The following ANAPC7 variants were observed in gnomAD, a reference collection of about 807,000 sequenced individuals.
The protein encoded by ANAPC7 is anaphase promoting complex subunit 7, also known as anaphase-promoting complex subunit 7.
ANAPC7 carries 25 observed loss-of-function variants against 63.3 expected under a neutral mutation model. The ratio of observed to expected loss-of-function variants is 0.39; its 90% CI spans 0.29 to 0.55. The LOEUF (loss-of-function observed/expected upper bound fraction) is 0.55. ANAPC7 is among the 20% of genes least tolerant of loss of function. ANAPC7 has a pLI of 0.57. For missense variants in ANAPC7, 516 were observed against 691.7 expected (o/e 0.75, Z 2.85); for synonymous variants, 241 against 251.7 (o/e 0.96, Z 0.40).
intron 1 of ANAPC7, among the ~76,000 whole-genome samples, chr12:110,401,388 T>C (rs28489972): frequency 1.4e-3 from 216 of 152,272 alleles, no homozygotes; most frequent in African/African-American, 5.1e-3. Context: ...TGAGTGCTTA[T>C]TGCGCACAGC....
chr12:110,400,441 T>C (rs1566280592), intron 1 of ANAPC7, among the ~76,000 whole-genome samples: 1 of 152,154 alleles, frequency 6.6e-6, no homozygotes, highest in Non-Finnish European at 1.5e-5. Context: ...TTTTAAAGTA[T>C]AAATCATGAA....
chr12:110,402,308 G>T (rs1321784491), intron 1 of ANAPC7, among the ~76,000 whole-genome samples: 2 of 151,678 alleles, frequency 1.3e-5, no homozygotes, highest in African/African-American at 4.8e-5. Context: ...CCATGGGAAA[G>T]AATTTTCATA....
intron 3 of ANAPC7, among the ~76,000 whole-genome samples, chr12:110,394,850 TATTAA>T (rs1322671048): frequency 9.2e-5 from 14 of 151,818 alleles, no homozygotes; most frequent in South Asian, 4.2e-4. Context: ...TCTCAAAAAA[TATTAA>T]ATTAAGTTAA....
At chr12:110,385,654 T>A (rs957996001) in intron 6 of ANAPC7, among the ~76,000 whole-genome samples, 2 of 152,236 alleles carry the variant, frequency 1.3e-5, no homozygotes, top group African/African-American at 4.8e-5. Context: ...ACGCTTGGGA[T>A]GGCCCCTTCC....
At position 110,374,965 on chromosome 12, in the gene ANAPC7, T is replaced by C. The variant is rs552580994; in HGVS notation, c.1509-632A>G. Reference sequence around the variant, plus strand: ...CCTCTAGAACATTCATTTATTTGCCTCCTAAGCAATCTTTCCTCTTGCCTT... The same window carrying C: ...CCTCTAGAACATTCATTTATTTGCCCCCTAAGCAATCTTTCCTCTTGCCTT... On this transcript the variant is annotated intron_variant, in intron 10 of 10. Transcript: ENST00000455511. Among the ~76,000 whole-genome samples, 24 of 151,884 alleles carry C rather than the reference T, an allele frequency of 1.6e-4. No individual in the cohort carries two copies. The South Asian group carries it at 5.0e-3, about 32-fold the overall frequency.
At chr12:110,384,891 A>T (rs1172156141) in intron 6 of ANAPC7, among the ~76,000 whole-genome samples, 1 of 152,176 alleles carries the variant, frequency 6.6e-6, no homozygotes, top group Non-Finnish European at 1.5e-5. Flanking sequence ...ACACTGCTGA[A>T]AAGCCAATCA....
intron 10 of ANAPC7, chr12:110,375,407 A>G (rs2137912915): frequency 2.0e-6 from 2 of 985,136 alleles, no homozygotes; most frequent in South Asian, 4.7e-5. Context: ...ATCAGACTCT[A>G]TTAAAGACAG....
intron 7 of ANAPC7, among the ~76,000 whole-genome samples, chr12:110,382,463 T>C (rs28703074): frequency 3.9e-5 from 3 of 77,244 alleles, no homozygotes; most frequent in Non-Finnish European, 7.8e-5. Context: ...AAAAAAAAAA[T>C]ATATATATAT....
chr12:110,390,941 T>TA (rs1216010523), intron 3 of ANAPC7, among the ~76,000 whole-genome samples: 3 of 152,116 alleles, frequency 2.0e-5, no homozygotes, highest in Non-Finnish European at 4.4e-5. Flanking sequence ...CCTCTAATCC[T>TA]AGCACTTTGG....
intron 1 of ANAPC7, among the ~76,000 whole-genome samples, chr12:110,399,228 C>T (rs2062187819): frequency 6.6e-6 from 1 of 151,830 alleles, no homozygotes; most frequent in Non-Finnish European, 1.5e-5. Context: ...GCCATGTTGG[C>T]CATCGCTGGT....
intron 2 of ANAPC7, 96 bp downstream of exon 2, chr12:110,396,170 A>G (rs1566276981): frequency 1.1e-5 from 12 of 1,133,784 alleles, no homozygotes; most frequent in Non-Finnish European, 1.4e-5. Context: ...CCTGGTTCCT[A>G]ACAGACCAGG....
chr12:110,396,216 A>C (rs1883563225), intron 2 of ANAPC7, 50 bp downstream of exon 2: 1 of 1,511,526 alleles, frequency 6.6e-7, no homozygotes, highest in East Asian at 2.3e-5. Flanking sequence ...AAATTCTTGG[A>C]GTCTTTCTCA....
intron 8 of ANAPC7, among the ~76,000 whole-genome samples, chr12:110,381,156 A>T (rs1881809161): frequency 6.6e-6 from 1 of 152,100 alleles, no homozygotes; most frequent in Non-Finnish European, 1.5e-5. Flanking sequence ...AAATCCAGTG[A>T]AAGCCCTAAA....
chr12:110,374,370 CT>C, intron 10 of ANAPC7, 37 bp from the exon 11 acceptor site: 1 of 1,591,776 alleles, frequency 6.3e-7, no homozygotes, highest in East Asian at 2.2e-5. Flanking sequence ...GCCTGAATCT[CT>C]GCCTTGCTCT....
In ANAPC7 at chr12:110,395,597, C is replaced by CT. The variant is rs76468288; in HGVS notation, c.289-378dup. ...GAGCCACTGTGCCTGGCCTCATCTT[C>CT]TTTTTTTTTTTTTGAGACAGAGTCT... On this transcript the variant is annotated intron_variant, in intron 2 of 10. Coordinates refer to ENST00000455511, the MANE Select transcript of ANAPC7 (RefSeq NM_016238.3). 5.4e-3 allele frequency among the ~76,000 whole-genome samples: 775 copies of CT among 144,146 alleles called. 6 individuals are homozygous for CT. The highest frequency in any genetic ancestry group is 0.015 in the African/African-American group (580 of 39,728). The allele number at this position is 144,146 out of a possible 152,430, so 94.6% of individuals were successfully genotyped here.
intron 9 of ANAPC7, among the ~76,000 whole-genome samples, chr12:110,376,850 C>T (rs192011009): frequency 5.3e-5 from 8 of 151,804 alleles, no homozygotes; most frequent in African/African-American, 1.9e-4. Flanking sequence ...AGGCTGGGCA[C>T]GGTGGCTCAC....
At chr12:110,382,074 T>A in intron 7 of ANAPC7, 126 bp from the exon 8 acceptor site, 1 of 941,408 alleles carries the variant, frequency 1.1e-6, no homozygotes, top group Non-Finnish European at 1.5e-6. Context: ...AAACCACACT[T>A]ATAGTTTTAA....
chr12:110,375,562 C>CTCAT (rs1458373338), intron 10 of ANAPC7: 1 of 810,024 alleles, frequency 1.2e-6, no homozygotes, highest in Non-Finnish European at 1.5e-6. Flanking sequence ...TCATTTAACC[C>CTCAT]TCATTCGATC....
rs1233020638 is a variant in ANAPC7, at chr12:110,373,359, G to A, written c.*785C>T. The A allele has an allele frequency of 6.6e-6, 1 of 152,188 alleles. No homozygotes were observed. The highest frequency in any genetic ancestry group is 2.4e-5 in the African/African-American group (1 of 41,438). 9.4% of individuals were successfully genotyped at this position (152,188 alleles called of 1,614,324 possible). Reference sequence around the variant, plus strand: ...CCAACCCTCCTGGCTCCCAACACCAGGGGAAGAAAGTCTATTTCTGGCAAA... The same window carrying A: ...CCAACCCTCCTGGCTCCCAACACCAAGGGAAGAAAGTCTATTTCTGGCAAA... On this transcript the variant is annotated 3_prime_UTR_variant, in exon 11 of 11. Transcript: ENST00000455511.
Sources: allele counts gnomAD v4.1 joint callset (sites outside exome capture counted in the v4.1 genomes callset), GRCh38; gene constraint gnomAD v4.1.1; transcripts MANE v1.5; gene names NCBI Gene and HGNC (gene_info 2026-07-23, HGNC 2026-07-21).